ERC2: variants seen among roughly 807,000 people sequenced by gnomAD.
ERC2 encodes ERC protein 2.
A neutral mutation model predicts 114.8 loss-of-function variants in ERC2; 42 were observed. The observed-to-expected ratio is 0.37, with a 90% CI of 0.29 to 0.47. The LOEUF (loss-of-function observed/expected upper bound fraction) is 0.47. ERC2 is among the 20% of genes least tolerant of loss of function. The probability of loss-of-function intolerance (pLI) is 0.99; values close to 1 mark genes in which losing one functional copy is unlikely to be tolerated. For synonymous variants in ERC2, 454 were observed against 425.5 expected (o/e 1.07, Z -0.82); for missense variants, 939 against 1,150.7 (o/e 0.82, Z 2.66).
At chr3:56,457,032 T>C (rs771780954) in intron 1 of ERC2, among the ~76,000 whole-genome samples, 7 of 152,226 alleles carry the variant, frequency 4.6e-5, no homozygotes. Flanking sequence ...ATCTTGTACA[T>C]TTCAAGGAAT....
intron 2 of ERC2, among the ~76,000 whole-genome samples, chr3:56,357,827 T>G (rs1427508442): frequency 6.7e-6 from 1 of 149,952 alleles, no homozygotes; most frequent in African/African-American, 2.5e-5. Flanking sequence ...TCTAAATAAA[T>G]ACTGCAAGCC....
chr3:56,053,363 G>A (rs1193601970), intron 7 of ERC2, among the ~76,000 whole-genome samples: 4 of 152,178 alleles, frequency 2.6e-5, no homozygotes, highest in African/African-American at 7.2e-5. Context: ...AGACTGTGAG[G>A]GATGGGGAGA....
chr3:56,086,523 C>T (rs9880933), intron 6 of ERC2, among the ~76,000 whole-genome samples: 1,966 of 148,660 alleles, frequency 0.013, 34 homozygotes, highest in African/African-American at 0.03. Flanking sequence ...GAAACTTTGA[C>T]ATGAACCACA....
chr3:55,623,492 G>C (rs567340444), intron 17 of ERC2, among the ~76,000 whole-genome samples: 1 of 151,930 alleles, frequency 6.6e-6, no homozygotes, highest in Admixed American at 6.6e-5. Flanking sequence ...GGTTCTCTTC[G>C]CCCTCTTGCT....
chr3:55,517,805 G>A (rs926463410), intron 17 of ERC2, among the ~76,000 whole-genome samples: 3 of 152,262 alleles, frequency 2.0e-5, no homozygotes, highest in African/African-American at 7.2e-5. Context: ...GCAGAAAGCA[G>A]TGAAATAAAA....
intron 14 of ERC2, among the ~76,000 whole-genome samples, chr3:55,870,942 C>T (rs1366370036): frequency 6.6e-6 from 1 of 152,204 alleles, no homozygotes; most frequent in African/African-American, 2.4e-5. Context: ...GGCTAGAATG[C>T]TGCTCAAGTT....
chr3:56,342,681 T>A (rs1025446390), intron 2 of ERC2, among the ~76,000 whole-genome samples: 3 of 152,154 alleles, frequency 2.0e-5, no homozygotes, highest in Non-Finnish European at 4.4e-5. Context: ...TTCTGCCAGG[T>A]GTGTGTCAGG....
chr3:55,709,681 G>A (rs2063671540), intron 15 of ERC2, among the ~76,000 whole-genome samples: 1 of 152,208 alleles, frequency 6.6e-6, no homozygotes, highest in Non-Finnish European at 1.5e-5. Context: ...GAATGGAAGG[G>A]CATAAACCTC....
intron 14 of ERC2, among the ~76,000 whole-genome samples, chr3:55,813,794 C>G (rs966959164): frequency 6.6e-6 from 1 of 152,162 alleles, no homozygotes; most frequent in Non-Finnish European, 1.5e-5. Context: ...ATATGAATGC[C>G]AAATTTTTAT....
intron 14 of ERC2, among the ~76,000 whole-genome samples, chr3:55,743,646 G>A (rs956149512): frequency 2.7e-5 from 4 of 149,000 alleles, no homozygotes; most frequent in African/African-American, 9.9e-5. Context: ...CTTCTTTTGA[G>A]CACTTTAGCC....
chr3:56,192,281 A>T (rs2047838924), intron 3 of ERC2, among the ~76,000 whole-genome samples: 4 of 152,174 alleles, frequency 2.6e-5, no homozygotes. Flanking sequence ...TTGTTTGCTA[A>T]ATTTACTTAA....
intron 13 of ERC2, 82 bp from the exon 14 acceptor site, chr3:55,888,631 C>T (rs1388017553): frequency 6.5e-6 from 10 of 1,534,174 alleles, no homozygotes; most frequent in Non-Finnish European, 8.9e-6. Context: ...GTTCCAACAA[C>T]AAACACAAAG....
chr3:56,416,253 C>T (rs2061149598), intron 2 of ERC2, among the ~76,000 whole-genome samples: 1 of 152,144 alleles, frequency 6.6e-6, no homozygotes, highest in Non-Finnish European at 1.5e-5. Flanking sequence ...TGGACCTTCT[C>T]TGACCACCTC....
intron 3 of ERC2, among the ~76,000 whole-genome samples, chr3:56,218,638 G>A (rs974080608): frequency 1.3e-5 from 2 of 152,124 alleles, no homozygotes; most frequent in Non-Finnish European, 2.9e-5. Flanking sequence ...TCCCATTACT[G>A]GGTATATACC....
chr3:56,315,304 G>T (rs1387633396), intron 2 of ERC2, among the ~76,000 whole-genome samples: 2 of 152,124 alleles, frequency 1.3e-5, no homozygotes. Context: ...GAATTAAGGG[G>T]CCACTTAGGA....
intron 17 of ERC2, among the ~76,000 whole-genome samples, chr3:55,629,758 C>T (rs2148622457): frequency 6.6e-6 from 1 of 152,280 alleles, no homozygotes; most frequent in East Asian, 1.9e-4. Flanking sequence ...TAACTTAATT[C>T]ATATGGTGAC....
At chr3:56,182,303 T>C (rs1029747811) in intron 3 of ERC2, among the ~76,000 whole-genome samples, 2 of 152,222 alleles carry the variant, frequency 1.3e-5, no homozygotes, top group African/African-American at 4.8e-5. Flanking sequence ...ACAGTGACTC[T>C]ATGCCCATTA....
At chr3:55,585,896 C>T (rs905839370) in intron 17 of ERC2, among the ~76,000 whole-genome samples, 3 of 152,112 alleles carry the variant, frequency 2.0e-5, no homozygotes, top group Non-Finnish European at 4.4e-5. Flanking sequence ...ATAAACAAAG[C>T]GAGGCAGAGC....
At chr3:55,934,626 C>A (rs1047845798) in intron 13 of ERC2, among the ~76,000 whole-genome samples, 3 of 152,110 alleles carry the variant, frequency 2.0e-5, no homozygotes, top group Non-Finnish European at 4.4e-5. Context: ...TGACATGCAG[C>A]CTCCCTTCTG....
Sources: allele counts gnomAD v4.1 joint callset (sites outside exome capture counted in the v4.1 genomes callset), GRCh38; gene constraint gnomAD v4.1.1; transcripts MANE v1.5; gene names NCBI Gene and HGNC (gene_info 2026-07-23, HGNC 2026-07-21).